The following GCH1 variants were observed in gnomAD, a reference collection of about 807,000 sequenced individuals.
GCH1 encodes GTP cyclohydrolase 1.
GCH1 carries 5 observed loss-of-function variants against 25.9 expected under a neutral mutation model. The ratio of observed to expected loss-of-function variants is 0.19; its 90% CI spans 0.10 to 0.41. The LOEUF is 0.41. Ranked by LOEUF, GCH1 falls within the 10% of genes least tolerant of loss-of-function variation. GCH1 has a pLI of 1.00. For synonymous variants in GCH1, 159 were observed against 129.6 expected, an observed-to-expected ratio of 1.23 and a Z score of -1.54; for missense variants, 261 against 336.5, an observed-to-expected ratio of 0.78 and a Z score of 1.75.
chr14:54,870,072 G>A (rs2040047546), intron 1 of GCH1, among the ~76,000 whole-genome samples: 1 of 152,100 alleles, frequency 6.6e-6, no homozygotes, highest in Non-Finnish European at 1.5e-5. Context: ...TTTTTTGGGT[G>A]ATGGAAATAG....
At position 54,855,059 on chromosome 14, in the gene GCH1, G is replaced by A. The variant is rs978326316; in HGVS notation, c.509+4622C>T. On this transcript the variant is annotated intron_variant, in intron 3 of 5. Coordinates refer to ENST00000491895, the MANE Select transcript of GCH1 (RefSeq NM_000161.3). ...CACCAGGGTACTTTTTTACTTTTTG[G>A]CAAGTCTCAAACTGCAAACTGTACT... 6.6e-5 allele frequency among the ~76,000 whole-genome samples: 10 copies of A among 152,184 alleles called. No homozygotes were observed. In the South Asian group the frequency reaches 8.3e-4, roughly 13 times the overall value.
chr14:54,884,818 G>C (rs2040327385), intron 1 of GCH1: 1 of 151,864 alleles, frequency 6.6e-6, no homozygotes, highest in South Asian at 2.1e-4. Context: ...AGATTACACA[G>C]TAATTTATTG....
rs1055264811 is a variant in GCH1, at chr14:54,842,600, A to G, written c.*1417T>C. On this transcript the variant is annotated 3_prime_UTR_variant, in exon 6 of 6. Transcript: ENST00000491895. ...AATACCTCTGCCATCTTGCCCCATC[A>G]TAACCCAAATAGCATCAAAGTGGCA... is the stretch of plus-strand genomic sequence containing the variant. 1 of 162,586 alleles carries G rather than the reference A, an allele frequency of 6.2e-6. No individual in the cohort carries two copies. Among genetic ancestry groups the G allele is most frequent in the African/African-American group, 2.4e-5 (1 of 41,948 alleles). 10.1% of individuals were successfully genotyped at this position (162,586 alleles called of 1,614,324 possible).
At chr14:54,875,862 A>C (rs992344455) in intron 1 of GCH1, among the ~76,000 whole-genome samples, 1 of 152,204 alleles carries the variant, frequency 6.6e-6, no homozygotes, top group Admixed American at 6.5e-5. Context: ...TGCTGGAGAG[A>C]ATGTGGAGAA....
At chr14:54,897,744 G>A (rs1186259180) in intron 1 of GCH1, among the ~76,000 whole-genome samples, 1 of 152,158 alleles carries the variant, frequency 6.6e-6, no homozygotes, top group African/African-American at 2.4e-5. Context: ...TACTACTTGT[G>A]TCAACCTCTC....
At position 54,843,670 on chromosome 14, in the gene GCH1, T is replaced by C; in HGVS notation, c.*347A>G. 6.3e-7 allele frequency: 1 copy of C among 1,580,714 alleles called. No individual in the cohort carries two copies. Among genetic ancestry groups the C allele is most frequent in the Non-Finnish European group, 8.6e-7 (1 of 1,166,578 alleles). On this transcript the variant is annotated 3_prime_UTR_variant, in exon 6 of 6. Coordinates refer to ENST00000491895, the MANE Select transcript of GCH1 (RefSeq NM_000161.3). ...GGGCACAGTTCCCTCTCATTCCCAA[T>C]GCTCCTATGCTTATGAGGCAAATTA...
chr14:54,902,107 G>A (rs2040574697), intron 1 of GCH1, among the ~76,000 whole-genome samples: 1 of 152,154 alleles, frequency 6.6e-6, no homozygotes, highest in Admixed American at 6.5e-5. Flanking sequence ...AGCGAGTTCC[G>A]GGGCTGAGAG....
At chr14:54,872,808 C>T (rs376782051) in intron 1 of GCH1, among the ~76,000 whole-genome samples, 1 of 152,080 alleles carries the variant, frequency 6.6e-6, no homozygotes, top group African/African-American at 2.4e-5. Context: ...GCTAACTATC[C>T]TAAATATATA....
At chr14:54,892,239 T>A (rs1028015358) in intron 1 of GCH1, among the ~76,000 whole-genome samples, 2 of 152,222 alleles carry the variant, frequency 1.3e-5, no homozygotes, top group African/African-American at 4.8e-5. Flanking sequence ...TTCTGAATGA[T>A]GGCAATCCAG....
rs569007652 is a variant in GCH1, at chr14:54,842,070, C to T, written c.*1947G>A. On this transcript the variant is annotated 3_prime_UTR_variant, in exon 6 of 6. Coordinates refer to ENST00000491895, the MANE Select transcript of GCH1 (RefSeq NM_000161.3). Reference sequence around the variant, plus strand: ...AGGACCACCTTCAGGAACATACATACTCATACATAAAATTAAACAATTTAA... The same window carrying T: ...AGGACCACCTTCAGGAACATACATATTCATACATAAAATTAAACAATTTAA... 4.2e-4 allele frequency: 64 copies of T among 152,244 alleles called. No homozygotes were observed. Among genetic ancestry groups the T allele is most frequent in the African/African-American group, 1.5e-3 (61 of 41,546 alleles). The allele number at this position is 152,244 out of a possible 1,614,324, so 9.4% of individuals were successfully genotyped here.
intron 1 of GCH1, among the ~76,000 whole-genome samples, chr14:54,897,346 T>C (rs1484862525): frequency 6.7e-6 from 1 of 150,288 alleles, no homozygotes; most frequent in African/African-American, 2.5e-5. Flanking sequence ...TGGAGTGCAA[T>C]GGTGCAATCT....
chr14:54,866,700 C>A (rs2039993681), intron 1 of GCH1, among the ~76,000 whole-genome samples: 1 of 152,116 alleles, frequency 6.6e-6, no homozygotes, highest in Non-Finnish European at 1.5e-5. Flanking sequence ...CCTTCAGTGG[C>A]TCCACTGCTA....
intron 3 of GCH1, among the ~76,000 whole-genome samples, chr14:54,850,213 C>T (rs1198975176): frequency 6.6e-6 from 1 of 152,092 alleles, no homozygotes; most frequent in Admixed American, 6.5e-5. Flanking sequence ...ACCTCATGAT[C>T]CGCCTGCCTT....
intron 1 of GCH1, among the ~76,000 whole-genome samples, chr14:54,871,068 C>A (rs140365499): frequency 0.012 from 1,752 of 152,274 alleles, 43 homozygotes; most frequent in African/African-American, 0.041. Context: ...GGTCCCTGAC[C>A]CCCGAGTAGC....
intron 3 of GCH1, among the ~76,000 whole-genome samples, chr14:54,854,158 A>G (rs907638237): frequency 1.3e-5 from 2 of 152,236 alleles, no homozygotes; most frequent in Non-Finnish European, 2.9e-5. Context: ...GCTTTTTCTA[A>G]ATTATTCTAA....
chr14:54,853,001 T>C (rs768949227), intron 3 of GCH1, among the ~76,000 whole-genome samples: 3 of 152,226 alleles, frequency 2.0e-5, no homozygotes, highest in Non-Finnish European at 4.4e-5. Context: ...GTTTTTGCTC[T>C]TGCCCAGGCT....
intron 1 of GCH1, among the ~76,000 whole-genome samples, chr14:54,875,412 G>A (rs914044429): frequency 1.4e-4 from 22 of 152,124 alleles, no homozygotes; most frequent in Non-Finnish European, 3.2e-4. Context: ...CATAGGCATG[G>A]GCAAGGACTT....
chr14:54,845,695 A>G (rs2039631553), intron 5 of GCH1, 73 bp downstream of exon 5: 2 of 846,378 alleles, frequency 2.4e-6, no homozygotes, highest in Non-Finnish European at 4.2e-6. Context: ...GCTACAAAAT[A>G]TGAGAAGCAC....
chr14:54,860,273 C>A lies in GCH1; in HGVS notation c.454-537G>T, dbSNP rs76585724. Among the ~76,000 whole-genome samples, 325 of 152,322 alleles carry A rather than the reference C, an allele frequency of 2.1e-3. 2 individuals carry two copies. In the East Asian group the frequency reaches 0.025, roughly 12 times the overall value. ...GTGAAGTTGAACTCTTGACACAAAT[C>A]TGAAAGTTTCTTCTTTATGGAGGAG... is the stretch of plus-strand genomic sequence containing the variant. On this transcript the variant is annotated intron_variant, in intron 2 of 5. Transcript: ENST00000491895.
Sources: gnomAD v4.1 joint callset for allele counts (sites outside exome capture counted in the v4.1 genomes callset) on GRCh38, gnomAD v4.1.1 for gene constraint, MANE v1.5 for transcripts, NCBI Gene and HGNC (gene_info 2026-07-23, HGNC 2026-07-21) for gene names.